BANK1: variants seen among roughly 807,000 people sequenced by gnomAD.
BANK1 encodes the protein B cell scaffold protein with ankyrin repeats 1, also known as B-cell scaffold protein with ankyrin repeats.
A neutral mutation model predicts 94.5 loss-of-function variants in BANK1; 95 were observed. That is an observed-to-expected ratio of 1.00 (90% CI 0.85 to 1.19). The LOEUF is 1.19. Ranked by LOEUF, BANK1 falls within the 50% of genes most tolerant of loss-of-function variation. BANK1 has a pLI of 0.00. For missense variants in BANK1, 987 were observed against 932.2 expected (o/e 1.06, Z -0.77); for synonymous variants, 334 against 308.4 (o/e 1.08, Z -0.87).
At chr4:101,883,753 A>C (rs1418479090) in intron 5 of BANK1, among the ~76,000 whole-genome samples, 1 of 152,230 alleles carries the variant, frequency 6.6e-6, no homozygotes, top group Non-Finnish European at 1.5e-5. Context: ...ACGTTTTAAA[A>C]CAATCCAGAA....
intron 7 of BANK1, among the ~76,000 whole-genome samples, chr4:101,994,636 T>C (rs1277462001): frequency 1.3e-5 from 2 of 152,180 alleles, no homozygotes; most frequent in Non-Finnish European, 2.9e-5. Context: ...AGAGATCAAT[T>C]ATTCCAACTC....
chr4:101,829,766 G>T (rs1398548942), intron 1 of BANK1, 42 bp from the exon 2 acceptor site: 2 of 1,316,394 alleles, frequency 1.5e-6, no homozygotes, highest in South Asian at 1.6e-5. Context: ...TTAACCTGCT[G>T]ATAGCATTGC....
At chr4:102,020,983 G>T (rs1464705700) in intron 7 of BANK1, among the ~76,000 whole-genome samples, 2 of 152,092 alleles carry the variant, frequency 1.3e-5, no homozygotes, top group Non-Finnish European at 2.9e-5. Context: ...AGTTAATTCT[G>T]CCTTTGAAGT....
At chr4:101,885,787 A>G (rs921506562) in intron 5 of BANK1, among the ~76,000 whole-genome samples, 6 of 152,226 alleles carry the variant, frequency 3.9e-5, no homozygotes, top group African/African-American at 1.4e-4. Flanking sequence ...TCATTGTGCA[A>G]ACACCATGTG....
intron 7 of BANK1, among the ~76,000 whole-genome samples, chr4:102,005,996 G>A (rs73834551): frequency 1.4e-3 from 211 of 152,076 alleles, no homozygotes; most frequent in African/African-American, 4.3e-3. Flanking sequence ...TGGAAATCTG[G>A]AATGCCATCA....
At chr4:101,799,021 C>A in intron 1 of BANK1, among the ~76,000 whole-genome samples, 1 of 152,144 alleles carries the variant, frequency 6.6e-6, no homozygotes, top group Non-Finnish European at 1.5e-5. Context: ...GTGTTTTAGT[C>A]ATGAAGTCCT....
intron 2 of BANK1, among the ~76,000 whole-genome samples, chr4:101,837,702 T>A (rs748482426): frequency 5.3e-5 from 8 of 152,226 alleles, no homozygotes; most frequent in Non-Finnish European, 1.0e-4. Flanking sequence ...GTCATTCTCA[T>A]GTATATTGAA....
intron 7 of BANK1, among the ~76,000 whole-genome samples, chr4:101,976,316 C>T (rs1725126443): frequency 1.3e-5 from 2 of 152,220 alleles, no homozygotes; most frequent in Non-Finnish European, 1.5e-5. Flanking sequence ...CTAAACTAAT[C>T]TTCTAAGTCT....
At chr4:101,904,357 G>A (rs986177885) in intron 6 of BANK1, among the ~76,000 whole-genome samples, 1 of 152,116 alleles carries the variant, frequency 6.6e-6, no homozygotes, top group Non-Finnish European at 1.5e-5. Context: ...AATTCCAAGG[G>A]GAAAATGTTG....
At chr4:101,931,452 A>G (rs1314657290) in intron 7 of BANK1, among the ~76,000 whole-genome samples, 1 of 151,484 alleles carries the variant, frequency 6.6e-6, no homozygotes, top group East Asian at 1.9e-4. Flanking sequence ...CCTTTGGACT[A>G]GAACTATACC....
intron 7 of BANK1, among the ~76,000 whole-genome samples, chr4:101,931,137 T>A (rs570026246): frequency 6.6e-6 from 1 of 151,704 alleles, no homozygotes; most frequent in Admixed American, 6.6e-5. Flanking sequence ...CACAGTTTTA[T>A]TGACTCTCAA....
At chr4:101,840,257 C>A (rs568793611) in intron 2 of BANK1, among the ~76,000 whole-genome samples, 1 of 151,820 alleles carries the variant, frequency 6.6e-6, no homozygotes, top group Non-Finnish European at 1.5e-5. Flanking sequence ...CGTGAGCCAC[C>A]GCGCCCGGCC....
At chr4:101,837,057 C>T (rs566077067) in intron 2 of BANK1, among the ~76,000 whole-genome samples, 5 of 152,290 alleles carry the variant, frequency 3.3e-5, no homozygotes, top group South Asian at 4.1e-4. Flanking sequence ...TGGGGCTCTA[C>T]GTCACCTATG....
chr4:101,829,726 A>G (rs1287901406), intron 1 of BANK1, 82 bp from the exon 2 acceptor site: 1 of 849,724 alleles, frequency 1.2e-6, no homozygotes, highest in South Asian at 2.2e-5. Flanking sequence ...TTGCCTAGTG[A>G]GCATATTAAA....
At chr4:101,804,265 T>C (rs1278811079) in intron 1 of BANK1, among the ~76,000 whole-genome samples, 1 of 152,158 alleles carries the variant, frequency 6.6e-6, no homozygotes, top group Non-Finnish European at 1.5e-5. Flanking sequence ...CTGTAGTAAA[T>C]ACTGTCCTGC....
At chr4:101,842,724 A>G (rs1204682120) in intron 2 of BANK1, among the ~76,000 whole-genome samples, 1 of 152,188 alleles carries the variant, frequency 6.6e-6, no homozygotes, top group Admixed American at 6.5e-5. Context: ...AGGTGATAAT[A>G]TTGTCATCTT....
chr4:101,946,263 A>G (rs898064447), intron 7 of BANK1, among the ~76,000 whole-genome samples: 3 of 152,038 alleles, frequency 2.0e-5, no homozygotes, highest in African/African-American at 7.2e-5. Context: ...AGAGAAGATT[A>G]CAGGAATAGT....
chr4:101,805,922 A>G (rs1293614308), intron 1 of BANK1, among the ~76,000 whole-genome samples: 1 of 152,020 alleles, frequency 6.6e-6, no homozygotes, highest in Non-Finnish European at 1.5e-5. Flanking sequence ...AACAAGTAGT[A>G]TATTTTGGCT....
chr4:101,874,094 G>A (rs545254393), intron 5 of BANK1, among the ~76,000 whole-genome samples: 2 of 152,132 alleles, frequency 1.3e-5, no homozygotes, highest in East Asian at 1.9e-4. Context: ...TGTTTTGCAC[G>A]TATTTATCCT....
Sources: allele counts gnomAD v4.1 joint callset (sites outside exome capture counted in the v4.1 genomes callset), GRCh38; gene constraint gnomAD v4.1.1; transcripts MANE v1.5; gene names NCBI Gene and HGNC (gene_info 2026-07-23, HGNC 2026-07-21).